The following NFIB variants were observed in gnomAD, a reference collection of about 807,000 sequenced individuals.
NFIB encodes the protein nuclear factor 1 B-type.
Under a neutral mutation model 61.5 loss-of-function variants are expected in NFIB, and 11 were observed. That is an observed-to-expected ratio of 0.18 (90% CI 0.11 to 0.30). The LOEUF (loss-of-function observed/expected upper bound fraction) is 0.30, where lower values mean the gene tolerates loss of function less well. NFIB is among the 10% of genes least tolerant of loss of function. NFIB has a pLI of 1.00. For synonymous variants in NFIB, 260 were observed against 216.5 expected (o/e 1.20, Z -1.76); for missense variants, 471 against 608.9 (o/e 0.77, Z 2.38).
intron 2 of NFIB, among the ~76,000 whole-genome samples, chr9:14,251,141 T>C (rs1242404676): frequency 6.6e-6 from 1 of 152,184 alleles, no homozygotes; most frequent in Admixed American, 6.5e-5. Flanking sequence ...CTTTGAAACA[T>C]ACATACAAAG....
intron 6 of NFIB, among the ~76,000 whole-genome samples, chr9:14,142,627 C>G (rs2041868214): frequency 6.6e-6 from 1 of 151,810 alleles, no homozygotes; most frequent in South Asian, 2.1e-4. Flanking sequence ...GAAATTGAGT[C>G]TCTGAATTGA....
intron 2 of NFIB, among the ~76,000 whole-genome samples, chr9:14,248,789 C>A (rs2055239706): frequency 6.6e-6 from 1 of 152,142 alleles, no homozygotes; most frequent in Non-Finnish European, 1.5e-5. Flanking sequence ...TCTGCAGGGA[C>A]TAGTGAGGAA....
rs1222381657 is a variant in NFIB at position 14,234,575 on chromosome 9, G to T, written c.563-54795C>A. Among the ~76,000 whole-genome samples, 4 of 152,036 alleles carry T rather than the reference G, an allele frequency of 2.6e-5. No homozygotes were observed. The South Asian group carries it at 8.3e-4, about 32-fold the overall frequency. On this transcript the variant is annotated intron_variant, in intron 2 of 10. Transcript: ENST00000380953. ...AGTAGAGACAGGGTTTCACCATATTGACCAGGCTGGTCTCAAACTCTTGAC... is the reference window on the plus strand; with the variant it reads ...AGTAGAGACAGGGTTTCACCATATTTACCAGGCTGGTCTCAAACTCTTGAC...
intron 2 of NFIB, among the ~76,000 whole-genome samples, chr9:14,280,265 T>C (rs1371468434): frequency 6.6e-6 from 1 of 152,146 alleles, no homozygotes; most frequent in Non-Finnish European, 1.5e-5. Context: ...GCATAATTTT[T>C]CTGTTCTTTC....
the NFIB span, among the ~76,000 whole-genome samples, chr9:14,427,142 T>C: frequency 6.6e-6 from 1 of 152,192 alleles, no homozygotes; most frequent in Admixed American, 6.5e-5. Flanking sequence ...TCATGATGGA[T>C]TGCAAGTGCC....
At chr9:14,521,508 T>C in the NFIB span, among the ~76,000 whole-genome samples, 1 of 152,140 alleles carries the variant, frequency 6.6e-6, no homozygotes, top group African/African-American at 2.4e-5. Flanking sequence ...GAAATGGGAA[T>C]TACATATACT....
At chr9:14,317,266 G>A (rs61097697), upstream of NFIB, 1 of 152,134 alleles carries the variant, frequency 6.6e-6, no homozygotes, top group Non-Finnish European at 1.5e-5. Context: ...AAAGAAAAAC[G>A]AAAAATTGAC....
chr9:14,223,920 C>G (rs2052028109), intron 2 of NFIB, among the ~76,000 whole-genome samples: 1 of 152,208 alleles, frequency 6.6e-6, no homozygotes, highest in African/African-American at 2.4e-5. Context: ...GCCCACTACA[C>G]TCTAGTTGGC....
the NFIB span, among the ~76,000 whole-genome samples, chr9:14,414,302 G>A: frequency 6.6e-6 from 1 of 151,856 alleles, no homozygotes; most frequent in Non-Finnish European, 1.5e-5. Context: ...GGGCGTGGTG[G>A]CATGTGCCTG....
chr9:14,431,947 G>A, the NFIB span, among the ~76,000 whole-genome samples: 1 of 152,196 alleles, frequency 6.6e-6, no homozygotes, highest in East Asian at 1.9e-4. Context: ...GAACTCATGG[G>A]TTGGTGGAAG....
At chr9:14,205,441 T>A (rs1010094601) in intron 2 of NFIB, among the ~76,000 whole-genome samples, 1 of 151,852 alleles carries the variant, frequency 6.6e-6, no homozygotes, top group Admixed American at 6.6e-5. Flanking sequence ...AAGTACGATA[T>A]ATACACAAGG....
chr9:14,461,654 A>G, the NFIB span, among the ~76,000 whole-genome samples: 1 of 152,170 alleles, frequency 6.6e-6, no homozygotes, highest in Non-Finnish European at 1.5e-5. Context: ...CCATTCTATC[A>G]TCTCTTTTAT....
At chr9:14,216,534 CTCTCTCTCCCTCTGTGTGTG>C (rs1379105430) in intron 2 of NFIB, among the ~76,000 whole-genome samples, 111 of 34,556 alleles carry the variant, frequency 3.2e-3, no homozygotes, top group African/African-American at 9.0e-3. Flanking sequence ...CTCTCTCTCT[CTCTCTCTCCCTCTGTGTGTG>C]TGTGTGTGTG....
At chr9:14,258,347 G>A (rs940119283) in intron 2 of NFIB, among the ~76,000 whole-genome samples, 1 of 152,234 alleles carries the variant, frequency 6.6e-6, no homozygotes, top group African/African-American at 2.4e-5. Flanking sequence ...TGGTGGGTGA[G>A]AACAGCATGT....
chr9:14,458,101 C>T, the NFIB span, among the ~76,000 whole-genome samples: 4 of 152,110 alleles, frequency 2.6e-5, no homozygotes, highest in Admixed American at 6.5e-5. Context: ...TGATGAACAT[C>T]GATGCAAAAA....
At chr9:14,435,586 C>A in the NFIB span, among the ~76,000 whole-genome samples, 2 of 152,158 alleles carry the variant, frequency 1.3e-5, no homozygotes, top group South Asian at 4.1e-4. Context: ...ATAGTAAGCA[C>A]AGTGGAAATG....
the NFIB span, among the ~76,000 whole-genome samples, chr9:14,421,414 T>C: frequency 0.016 from 2,385 of 152,308 alleles, 26 homozygotes; most frequent in Non-Finnish European, 0.026. Flanking sequence ...TAACAGAGTG[T>C]ATATGTTCTT....
intron 3 of NFIB, among the ~76,000 whole-genome samples, chr9:14,175,329 A>C (rs1253580810): frequency 6.6e-6 from 1 of 151,274 alleles, no homozygotes; most frequent in Admixed American, 6.6e-5. Flanking sequence ...GCCCGCCACC[A>C]TGCCCGGCTA....
the NFIB span, among the ~76,000 whole-genome samples, chr9:14,512,158 T>C: frequency 1.3e-5 from 2 of 152,196 alleles, no homozygotes; most frequent in African/African-American, 4.8e-5. Context: ...AGATGTCCCA[T>C]GAGTAGCGCT....
Sources: gnomAD v4.1 joint callset for allele counts (sites outside exome capture counted in the v4.1 genomes callset) on GRCh38, gnomAD v4.1.1 for gene constraint, MANE v1.5 for transcripts, NCBI Gene and HGNC (gene_info 2026-07-23, HGNC 2026-07-21) for gene names.